Variants in CDK14 observed in about 807,000 individuals in gnomAD.
CDK14 encodes the protein cyclin-dependent kinase 14.
Under a neutral mutation model 60.7 loss-of-function variants are expected in CDK14, and 34 were observed. The ratio of observed to expected loss-of-function variants is 0.56; its 90% CI spans 0.43 to 0.75. The LOEUF (loss-of-function observed/expected upper bound fraction) is 0.75. CDK14 is among the 30% of genes least tolerant of loss of function. The pLI, the probability that CDK14 is intolerant of heterozygous loss-of-function variation, is 0.00. For synonymous variants in CDK14, 197 were observed against 203.7 expected (o/e 0.97, Z 0.28); for missense variants, 482 against 564.1 (o/e 0.85, Z 1.47).
At chr7:90,856,181 C>T (rs1438989603) in intron 5 of CDK14, among the ~76,000 whole-genome samples, 3 of 152,168 alleles carry the variant, frequency 2.0e-5, no homozygotes, top group African/African-American at 4.8e-5. Context: ...CAAAAAACAT[C>T]TCTAAATCCT....
chr7:90,856,516 A>G (rs1790822527), intron 5 of CDK14, among the ~76,000 whole-genome samples: 1 of 152,168 alleles, frequency 6.6e-6, no homozygotes, highest in Non-Finnish European at 1.5e-5. Flanking sequence ...GGCAGCATGC[A>G]TTATAGAACC....
intron 7 of CDK14, among the ~76,000 whole-genome samples, chr7:90,911,189 A>G (rs1043153000): frequency 7.9e-5 from 12 of 152,172 alleles, no homozygotes; most frequent in African/African-American, 2.7e-4. Flanking sequence ...CAAAATGTCT[A>G]TCGTAGTAAG....
At chr7:90,985,785 G>A (rs998928904) in intron 10 of CDK14, among the ~76,000 whole-genome samples, 1 of 152,126 alleles carries the variant, frequency 6.6e-6, no homozygotes, top group African/African-American at 2.4e-5. Context: ...AATCAGCAAA[G>A]TCCCTAACAT....
At chr7:90,823,031 T>C (rs868084340) in intron 5 of CDK14, among the ~76,000 whole-genome samples, 1 of 152,174 alleles carries the variant, frequency 6.6e-6, no homozygotes, top group East Asian at 1.9e-4. Context: ...GAACAGGGGC[T>C]AGTGTGTTGC....
At chr7:90,622,748 T>C (rs1426774860) in intron 2 of CDK14, among the ~76,000 whole-genome samples, 1 of 74,566 alleles carries the variant, frequency 1.3e-5, no homozygotes, top group Non-Finnish European at 2.5e-5. Flanking sequence ...CTACCCTGAC[T>C]GTGTTTTTAC....
chr7:90,927,501 A>G (rs543787428), intron 8 of CDK14, among the ~76,000 whole-genome samples: 1 of 152,324 alleles, frequency 6.6e-6, no homozygotes, highest in South Asian at 2.1e-4. Flanking sequence ...AATATTTCTT[A>G]CTAAATCACA....
At chr7:91,188,032 G>C (rs1329462616) in intron 14 of CDK14, among the ~76,000 whole-genome samples, 1 of 152,154 alleles carries the variant, frequency 6.6e-6, no homozygotes, top group African/African-American at 2.4e-5. Flanking sequence ...CTTGTCTATG[G>C]CTGCAGCTTG....
intron 4 of CDK14, among the ~76,000 whole-genome samples, chr7:90,758,996 C>T (rs1440751580): frequency 6.8e-6 from 1 of 147,292 alleles, no homozygotes; most frequent in African/African-American, 2.5e-5. Context: ...GCAGAGGTTG[C>T]AGTGAGTCGA....
At chr7:90,609,406 G>A (rs1243358917) in intron 2 of CDK14, among the ~76,000 whole-genome samples, 1 of 152,142 alleles carries the variant, frequency 6.6e-6, no homozygotes, top group East Asian at 1.9e-4. Context: ...GTTGGAAGGG[G>A]GGCCTGGTGG....
At chr7:90,949,592 T>G (rs1016978646) in intron 8 of CDK14, among the ~76,000 whole-genome samples, 3 of 152,204 alleles carry the variant, frequency 2.0e-5, no homozygotes, top group Non-Finnish European at 4.4e-5. Flanking sequence ...CAGGGATAAT[T>G]AAATAAAATC....
intron 2 of CDK14, among the ~76,000 whole-genome samples, chr7:90,664,921 G>T (rs559174183): frequency 6.6e-6 from 1 of 151,998 alleles, no homozygotes; most frequent in Admixed American, 6.6e-5. Flanking sequence ...CACATGTACT[G>T]TAAAACTTAA....
chr7:91,079,944 C>A (rs1272898721), intron 12 of CDK14, among the ~76,000 whole-genome samples: 1 of 152,082 alleles, frequency 6.6e-6, no homozygotes, highest in Non-Finnish European at 1.5e-5. Context: ...TGTGTGTTCT[C>A]CATTTATTTC....
At chr7:91,145,087 C>G (rs1562923522) in intron 14 of CDK14, among the ~76,000 whole-genome samples, 1 of 152,150 alleles carries the variant, frequency 6.6e-6, no homozygotes, top group Non-Finnish European at 1.5e-5. Context: ...GTATCAACTA[C>G]TCTTAAAAAC....
At chr7:91,135,249 A>AC (rs1800244251) in intron 14 of CDK14, among the ~76,000 whole-genome samples, 1 of 152,102 alleles carries the variant, frequency 6.6e-6, no homozygotes. Flanking sequence ...AGGGAGGAAG[A>AC]CTGCTGAGGG....
chr7:91,108,872 A>G (rs1274728972), intron 12 of CDK14, among the ~76,000 whole-genome samples: 2 of 152,352 alleles, frequency 1.3e-5, no homozygotes, highest in East Asian at 3.9e-4. Flanking sequence ...AGTTAATTTA[A>G]TGTCTGCATT....
chr7:90,765,602 G>GT (rs71104490), intron 4 of CDK14, among the ~76,000 whole-genome samples: 69,096 of 146,358 alleles, frequency 0.47, 16,854 homozygotes, highest in East Asian at 0.85. Context: ...AACTAGGAAG[G>GT]TTTTTTTTTT....
intron 4 of CDK14, among the ~76,000 whole-genome samples, chr7:90,783,719 A>G (rs928714544): frequency 1.6e-4 from 24 of 152,310 alleles, no homozygotes; most frequent in African/African-American, 5.3e-4. Context: ...AATCAAAACC[A>G]TAGTGAGATA....
At chr7:90,666,496 G>A (rs1665657631) in intron 2 of CDK14, 1 of 152,102 alleles carries the variant, frequency 6.6e-6, no homozygotes, top group African/African-American at 2.4e-5. Context: ...TTGCACATGT[G>A]GGCATATTAA....
intron 8 of CDK14, among the ~76,000 whole-genome samples, chr7:90,923,010 C>A (rs1175673476): frequency 6.6e-6 from 1 of 151,806 alleles, no homozygotes; most frequent in East Asian, 1.9e-4. Context: ...ACAGCAGTAT[C>A]ATCCAAATTC....
Sources: allele counts gnomAD v4.1 joint callset (sites outside exome capture counted in the v4.1 genomes callset), GRCh38; gene constraint gnomAD v4.1.1; transcripts MANE v1.5; gene names NCBI Gene and HGNC (gene_info 2026-07-23, HGNC 2026-07-21).